The following CD247 variants were observed in gnomAD, a reference collection of about 807,000 sequenced individuals.
CD247 encodes T-cell surface glycoprotein CD3 zeta chain.
A neutral mutation model predicts 30.0 loss-of-function variants in CD247; 13 were observed. The observed-to-expected ratio is 0.43, with a 90% confidence interval of 0.28 to 0.69. The LOEUF (loss-of-function observed/expected upper bound fraction) is 0.69. Ranked by LOEUF, CD247 falls within the 30% of genes least tolerant of loss-of-function variation. The pLI is 0.16. For missense variants in CD247, 193 were observed against 212.6 expected (o/e 0.91, Z 0.57); for synonymous variants, 72 against 80.0 (o/e 0.90, Z 0.53).
chr1:167,435,457 G>A (rs751750532), intron 4 of CD247, 23 bp from the exon 5 acceptor site: 44 of 1,603,208 alleles, frequency 2.7e-5, no homozygotes, highest in East Asian at 4.5e-5. Flanking sequence ...ACGGGAAGAC[G>A]TTAGAGGGAG....
intron 1 of CD247, among the ~76,000 whole-genome samples, chr1:167,481,041 C>G (rs867238291): frequency 3.0e-4 from 45 of 152,318 alleles, no homozygotes; most frequent in African/African-American, 8.2e-4. Context: ...AATCCCAGCA[C>G]TTTGGGAGGC....
At chr1:167,483,960 T>C (rs541917114) in intron 1 of CD247, among the ~76,000 whole-genome samples, 2 of 152,342 alleles carry the variant, frequency 1.3e-5, no homozygotes, top group East Asian at 3.9e-4. Context: ...GGAGGCTTCC[T>C]GAACAGAGGC....
intron 1 of CD247, among the ~76,000 whole-genome samples, chr1:167,511,828 T>A (rs1194785113): frequency 2.0e-5 from 3 of 151,932 alleles, no homozygotes; most frequent in African/African-American, 7.3e-5. Flanking sequence ...CGTAGGCAAG[T>A]CACCAGACCT....
chr1:167,444,318 C>T lies in CD247; in HGVS notation c.59-3551G>A, dbSNP rs190363089. On this transcript the variant is annotated intron_variant, in intron 1 of 7. Coordinates refer to ENST00000362089, the MANE Select transcript of CD247 (RefSeq NM_198053.3). ...ATGCCAGCTCAAAGGCACCGCATCG[C>T]CACTCTCTACTTGGTCCTGGCTTCT... Among the ~76,000 whole-genome samples, 7 of 152,314 alleles carry T rather than the reference C, an allele frequency of 4.6e-5. No individual in the cohort carries two copies. In the East Asian group the frequency reaches 1.4e-3, roughly 29 times the overall value.
chr1:167,462,836 C>T (rs35637539), intron 1 of CD247, among the ~76,000 whole-genome samples: 5,476 of 152,300 alleles, frequency 0.036, 328 homozygotes, highest in African/African-American at 0.13. Context: ...CAGACTGATA[C>T]ACTCCTTCCC....
At chr1:167,470,334 G>A (rs1291644947) in intron 1 of CD247, among the ~76,000 whole-genome samples, 2 of 152,082 alleles carry the variant, frequency 1.3e-5, no homozygotes, top group African/African-American at 4.8e-5. Flanking sequence ...GGACAACTCA[G>A]CTCTACTTGT....
chr1:167,494,450 A>G lies in CD247; in HGVS notation c.58+23958T>C, dbSNP rs1654593125. 6.6e-6 allele frequency among the ~76,000 whole-genome samples: 1 copy of G among 152,112 alleles called. No individual in the cohort carries two copies. Among genetic ancestry groups the G allele is most frequent in the Non-Finnish European group, 1.5e-5 (1 of 68,004 alleles). ...ACTAGTGTGAGGAGGACCTCGGGAG[A>G]AATCGCATAGCTCCCTGGGCTGCAG... is the stretch of plus-strand genomic sequence containing the variant. On this transcript the variant is annotated intron_variant, in intron 1 of 7. Transcript: ENST00000362089. This position sits in a 1 kb window ranked among gnomAD's most constrained non-coding sequence, Gnocchi z 7.3.
chr1:167,506,521 C>T (rs935434930), intron 1 of CD247, among the ~76,000 whole-genome samples: 5 of 151,784 alleles, frequency 3.3e-5, no homozygotes, highest in African/African-American at 4.8e-5. Flanking sequence ...CGAATATTTT[C>T]TCTCTCTCTC....
At chr1:167,463,607 T>G (rs1337536937) in intron 1 of CD247, among the ~76,000 whole-genome samples, 1 of 152,186 alleles carries the variant, frequency 6.6e-6, no homozygotes, top group East Asian at 1.9e-4. Context: ...TCCAATTTAG[T>G]GGGAACTTGA....
rs1654609868 is a variant in CD247 at position 167,494,727 on chromosome 1, A to G, written c.58+23681T>C. 6.6e-6 allele frequency among the ~76,000 whole-genome samples: 1 copy of G among 152,216 alleles called. No homozygotes were observed. The highest frequency in any genetic ancestry group is 2.1e-4 in the South Asian group (1 of 4,834). On this transcript the variant is annotated intron_variant, in intron 1 of 7. Transcript: ENST00000362089. This position sits in a 1 kb window ranked among gnomAD's most constrained non-coding sequence, Gnocchi z 7.3. The stretch of plus-strand genomic sequence containing the variant: ...CATTCCTCGGCATTTTGTATCTCCT[A>G]TAATTCCTGGATACAGATAAATGTT...
At position 167,494,723 on chromosome 1, in the gene CD247, T is replaced by C. The variant is rs978138469; in HGVS notation, c.58+23685A>G. ...AGTGCATTCCTCGGCATTTTGTATCTCCTATAATTCCTGGATACAGATAAA... is the reference window on the plus strand; with the variant it reads ...AGTGCATTCCTCGGCATTTTGTATCCCCTATAATTCCTGGATACAGATAAA... On this transcript the variant is annotated intron_variant, in intron 1 of 7. Transcript: ENST00000362089. This position sits in a 1 kb window ranked among gnomAD's most constrained non-coding sequence, Gnocchi z 7.3. Among the ~76,000 whole-genome samples, 12 of 152,198 alleles carry C rather than the reference T, an allele frequency of 7.9e-5. No homozygotes were observed. The highest frequency in any genetic ancestry group is 1.6e-4 in the Non-Finnish European group (11 of 68,036).
chr1:167,438,431 C>A, intron 4 of CD247, 139 bp downstream of exon 4: 1 of 764,144 alleles, frequency 1.3e-6, no homozygotes, highest in Non-Finnish European at 2.4e-6. Flanking sequence ...AAGTGGGTCT[C>A]CATCTCTTCT....
intron 1 of CD247, among the ~76,000 whole-genome samples, chr1:167,514,935 TG>T (rs1353529862): frequency 6.6e-6 from 1 of 152,190 alleles, no homozygotes; most frequent in South Asian, 2.1e-4. Flanking sequence ...AATAATTACA[TG>T]TATTTTTTTA....
At chr1:167,512,048 C>T (rs758060739) in intron 1 of CD247, among the ~76,000 whole-genome samples, 1 of 152,026 alleles carries the variant, frequency 6.6e-6, no homozygotes, top group Non-Finnish European at 1.5e-5. Context: ...ATTTTTTTCT[C>T]CTTGAGCCTG....
At chr1:167,449,999 A>T (rs143080030) in intron 1 of CD247, among the ~76,000 whole-genome samples, 1 of 152,232 alleles carries the variant, frequency 6.6e-6, no homozygotes, top group African/African-American at 2.4e-5. Context: ...ATGTTATTTC[A>T]TATATTCATA....
intron 1 of CD247, among the ~76,000 whole-genome samples, chr1:167,474,620 G>A (rs1389343516): frequency 2.0e-5 from 3 of 151,738 alleles, no homozygotes; most frequent in Admixed American, 6.6e-5. Flanking sequence ...CCCGCTGAAA[G>A]CACAGACACC....
chr1:167,473,695 G>C lies in CD247; in HGVS notation c.59-32928C>G, dbSNP rs191564714. On this transcript the variant is annotated intron_variant, in intron 1 of 7. Coordinates refer to ENST00000362089, the MANE Select transcript of CD247 (RefSeq NM_198053.3). The stretch of plus-strand genomic sequence containing the variant: ...ACTGTGCTCTGCAAGATTATGATGT[G>C]TGTCTGGTCAGGGTATAGAAACCCC... Among the ~76,000 whole-genome samples the C allele has an allele frequency of 2.6e-4, 39 of 152,310 alleles. No individual in the cohort carries two copies. In the East Asian group the frequency reaches 5.0e-3, roughly 20 times the overall value.
intron 1 of CD247, among the ~76,000 whole-genome samples, chr1:167,462,398 C>G (rs144468704): frequency 1.3e-5 from 2 of 152,234 alleles, no homozygotes; most frequent in African/African-American, 4.8e-5. Context: ...CAGGCCGCAG[C>G]AATGGGCAGG....
chr1:167,484,534 T>C (rs9645325), intron 1 of CD247, among the ~76,000 whole-genome samples: 25,040 of 152,182 alleles, frequency 0.16, 2,333 homozygotes, highest in Admixed American at 0.29. Flanking sequence ...CCCAGCACTT[T>C]GGGAGGCCAA....
Sources: gnomAD v4.1 joint callset for allele counts (sites outside exome capture counted in the v4.1 genomes callset) on GRCh38, gnomAD v4.1.1 for gene constraint, Gnocchi (gnomAD v3.1) non-coding constraint, MANE v1.5 for transcripts, NCBI Gene and HGNC (gene_info 2026-07-23, HGNC 2026-07-21) for gene names.